CPQ: variants seen among roughly 807,000 people sequenced by gnomAD.
The protein encoded by CPQ is Ser-Met dipeptidase.
In CPQ, 37 loss-of-function variants were observed where a neutral mutation model predicts 45.7. The ratio of observed to expected loss-of-function variants is 0.81; its 90% CI spans 0.62 to 1.07. The LOEUF (loss-of-function observed/expected upper bound fraction) is 1.07, where lower values mean the gene tolerates loss of function less well. Ranked by LOEUF, CPQ falls within the 50% of genes least tolerant of loss-of-function variation. CPQ has a pLI of 0.00. For synonymous variants in CPQ, 186 were observed against 205.8 expected (o/e 0.90, Z 0.82); for missense variants, 537 against 572.9 (o/e 0.94, Z 0.64).
intron 7 of CPQ, among the ~76,000 whole-genome samples, chr8:97,134,471 C>T (rs1053216200): frequency 1.3e-5 from 2 of 152,200 alleles, no homozygotes; most frequent in Admixed American, 6.5e-5. Flanking sequence ...CCGGCCACAG[C>T]GATGGGCTTG....
chr8:96,971,922 A>T (rs76381919), intron 5 of CPQ, among the ~76,000 whole-genome samples: 2 of 152,182 alleles, frequency 1.3e-5, no homozygotes, highest in African/African-American at 4.8e-5. Flanking sequence ...GAACAGACAG[A>T]GCAGTGTTTG....
intron 1 of CPQ, among the ~76,000 whole-genome samples, chr8:96,707,906 A>G (rs1809554893): frequency 6.6e-6 from 1 of 152,150 alleles, no homozygotes; most frequent in Non-Finnish European, 1.5e-5. Context: ...ATTTAAAGGC[A>G]GCAATGACCA....
chr8:97,013,588 T>G (rs1050617151), intron 5 of CPQ, among the ~76,000 whole-genome samples: 17 of 152,040 alleles, frequency 1.1e-4, no homozygotes, highest in Non-Finnish European at 1.6e-4. Context: ...TCTTGTAAGA[T>G]AGTTGAGATA....
intron 4 of CPQ, 34 bp from the exon 5 acceptor site, chr8:96,965,901 G>GT: frequency 7.1e-7 from 1 of 1,404,768 alleles, no homozygotes; most frequent in Non-Finnish European, 9.7e-7. Flanking sequence ...TTTTTGCTTA[G>GT]TTTTATTTTT....
intron 5 of CPQ, among the ~76,000 whole-genome samples, chr8:96,978,894 G>A (rs930077296): frequency 2.0e-5 from 3 of 152,050 alleles, no homozygotes; most frequent in Admixed American, 6.6e-5. Context: ...ACAAGGAGAC[G>A]TCTTATTTCA....
intron 6 of CPQ, among the ~76,000 whole-genome samples, chr8:97,031,691 C>T (rs1243412823): frequency 2.6e-5 from 4 of 152,204 alleles, no homozygotes; most frequent in African/African-American, 2.4e-5. Context: ...GAAATACACA[C>T]ACTCAAAGGA....
intron 1 of CPQ, among the ~76,000 whole-genome samples, chr8:96,702,713 C>T (rs1022074403): frequency 7.2e-5 from 11 of 152,088 alleles, no homozygotes; most frequent in African/African-American, 2.7e-4. Context: ...AGTGGTAGAG[C>T]CAGGTTTCAA....
At chr8:97,113,780 T>C (rs1221523309) in intron 7 of CPQ, among the ~76,000 whole-genome samples, 1 of 152,232 alleles carries the variant, frequency 6.6e-6, no homozygotes, top group Admixed American at 6.5e-5. Context: ...ATCTGGTGGA[T>C]ACTCACCCAG....
chr8:97,056,396 T>C (rs562391136), intron 6 of CPQ: 2 of 152,280 alleles, frequency 1.3e-5, no homozygotes, highest in South Asian at 2.1e-4. Context: ...CCCCAATTTC[T>C]ATTGGTCAGG....
intron 5 of CPQ, among the ~76,000 whole-genome samples, chr8:96,984,944 T>A (rs1813984174): frequency 6.6e-6 from 1 of 152,220 alleles, no homozygotes; most frequent in Non-Finnish European, 1.5e-5. Flanking sequence ...TTCAGTTACC[T>A]TCTTCCTGAA....
At chr8:96,843,859 A>G (rs1811650297) in intron 3 of CPQ, among the ~76,000 whole-genome samples, 1 of 152,246 alleles carries the variant, frequency 6.6e-6, no homozygotes, top group African/African-American at 2.4e-5. Flanking sequence ...ATTTCGGCAA[A>G]GTATTGCAAA....
In CPQ at chr8:96,772,035, G is replaced by A. The variant is rs185440897; in HGVS notation, c.-34-12829G>A. Among the ~76,000 whole-genome samples, 734 of 152,200 alleles carry A rather than the reference G, an allele frequency of 4.8e-3. 5 individuals carry two copies. Among genetic ancestry groups the A allele is most frequent in the Middle Eastern group, 0.01 (3 of 294 alleles). On this transcript the variant is annotated intron_variant, in intron 1 of 7. Transcript: ENST00000220763. ...GAGTGTTATCAGAGGTATAAGTAGA[G>A]GTATGAGTAGGGTATATCTTGAATG... is the stretch of plus-strand genomic sequence containing the variant.
At chr8:96,975,514 G>C (rs1225354434) in intron 5 of CPQ, among the ~76,000 whole-genome samples, 10 of 150,948 alleles carry the variant, frequency 6.6e-5, no homozygotes. Flanking sequence ...AACCAAGGGA[G>C]GACATAACAA....
At chr8:96,695,235 A>G (rs1283627280) in intron 1 of CPQ, among the ~76,000 whole-genome samples, 3 of 149,666 alleles carry the variant, frequency 2.0e-5, no homozygotes, top group African/African-American at 5.0e-5. Flanking sequence ...CTGGCTAGCC[A>G]TATGTAGAAA....
At chr8:97,113,489 C>T (rs777151036) in intron 7 of CPQ, among the ~76,000 whole-genome samples, 5 of 152,148 alleles carry the variant, frequency 3.3e-5, no homozygotes, top group African/African-American at 7.2e-5. Context: ...CTGACTTAAA[C>T]ACTTAACAAC....
intron 3 of CPQ, among the ~76,000 whole-genome samples, chr8:96,849,446 A>G (rs916052640): frequency 1.3e-5 from 2 of 152,172 alleles, no homozygotes; most frequent in African/African-American, 2.4e-5. Context: ...TCTTTGTATT[A>G]TGACACTAGT....
chr8:96,759,279 T>C (rs1810367599), intron 1 of CPQ, among the ~76,000 whole-genome samples: 1 of 152,014 alleles, frequency 6.6e-6, no homozygotes. Context: ...TCTTTCCCTT[T>C]CCCCCAAACC....
chr8:96,999,491 T>C (rs1191907845), intron 5 of CPQ, among the ~76,000 whole-genome samples: 1 of 152,020 alleles, frequency 6.6e-6, no homozygotes, highest in East Asian at 1.9e-4. Flanking sequence ...AGATGTAGTA[T>C]TTGTTTTTCT....
chr8:97,029,860 A>G (rs1037797025), intron 6 of CPQ, among the ~76,000 whole-genome samples: 1 of 152,084 alleles, frequency 6.6e-6, no homozygotes. Context: ...AATGCCCGCC[A>G]TATTCCCAGA....
Sources: allele counts gnomAD v4.1 joint callset (sites outside exome capture counted in the v4.1 genomes callset), GRCh38; gene constraint gnomAD v4.1.1; transcripts MANE v1.5; gene names NCBI Gene and HGNC (gene_info 2026-07-23, HGNC 2026-07-21).